The following SGCG variants were observed in gnomAD, a reference collection of about 807,000 sequenced individuals.
SGCG encodes the protein gamma-sarcoglycan.
Under a neutral mutation model 29.3 loss-of-function variants are expected in SGCG, and 26 were observed. The observed-to-expected ratio is 0.89, with a 90% CI of 0.65 to 1.23. The LOEUF is 1.23. Among genes scored for constraint, SGCG ranks in the 50% most tolerant of loss-of-function variants. The pLI is 0.00. For synonymous variants in SGCG, 145 were observed against 129.7 expected, an observed-to-expected ratio of 1.12 and a Z score of -0.80; for missense variants, 353 against 356.0, an observed-to-expected ratio of 0.99 and a Z score of 0.07.
chr13:23,264,794 T>C (rs1481511448), intron 4 of SGCG, among the ~76,000 whole-genome samples: 1 of 152,192 alleles, frequency 6.6e-6, no homozygotes, highest in African/African-American at 2.4e-5. Context: ...CTAATTGATC[T>C]TTGACAAACC....
chr13:23,240,877 G>A (rs557469491), intron 3 of SGCG, among the ~76,000 whole-genome samples: 1 of 152,058 alleles, frequency 6.6e-6, no homozygotes, highest in Non-Finnish European at 1.5e-5. Context: ...AAATTGGCCG[G>A]GTGCGGTGGC....
chr13:23,303,101 A>AT (rs1245653139), intron 6 of SGCG, among the ~76,000 whole-genome samples: 2 of 152,184 alleles, frequency 1.3e-5, no homozygotes, highest in African/African-American at 4.8e-5. Context: ...TCTGTCACCA[A>AT]TTTTTTAATT....
At position 23,251,746 on chromosome 13, in the gene SGCG, G is replaced by T. The variant is rs1012933823; in HGVS notation, c.385+1029G>T. ...AGAGACCCTTTGTTTGAAAAAAAGA[G>T]AATAAGAATAACGAAGATATATATA... On this transcript the variant is annotated intron_variant, in intron 4 of 7. Coordinates refer to ENST00000218867, the MANE Select transcript of SGCG (RefSeq NM_000231.3). 2.0e-5 allele frequency among the ~76,000 whole-genome samples: 3 copies of T among 152,190 alleles called. No homozygotes were observed. The East Asian group carries it at 5.8e-4, about 29-fold the overall frequency.
chr13:23,309,941 ATTCATAAATG>A (rs1320658743), intron 6 of SGCG, among the ~76,000 whole-genome samples: 1 of 152,152 alleles, frequency 6.6e-6, no homozygotes, highest in Non-Finnish European at 1.5e-5. Flanking sequence ...ATTCATAATT[ATTCATAAATG>A]TTTATGCTAA....
At chr13:23,234,262 G>C (rs1328232668) in intron 2 of SGCG, among the ~76,000 whole-genome samples, 2 of 152,068 alleles carry the variant, frequency 1.3e-5, no homozygotes, top group Non-Finnish European at 2.9e-5. Flanking sequence ...CTATATATGT[G>C]TTAAAACTCA....
chr13:23,271,795 A>G (rs1472258105), intron 4 of SGCG, among the ~76,000 whole-genome samples: 1 of 152,268 alleles, frequency 6.6e-6, no homozygotes, highest in Non-Finnish European at 1.5e-5. Context: ...GGGTCACCCT[A>G]TCCAAGAATG....
chr13:23,311,300 G>A (rs902629180), intron 6 of SGCG, among the ~76,000 whole-genome samples: 4 of 152,218 alleles, frequency 2.6e-5, no homozygotes, highest in Non-Finnish European at 5.9e-5. Context: ...TCTGGTATGT[G>A]TTAGTTTATA....
intron 2 of SGCG, among the ~76,000 whole-genome samples, chr13:23,232,810 A>G (rs1879161553): frequency 6.6e-6 from 1 of 152,148 alleles, no homozygotes; most frequent in African/African-American, 2.4e-5. Context: ...AGGGGAGGAC[A>G]GTTAGGCAAT....
upstream of SGCG, among the ~76,000 whole-genome samples, chr13:23,177,036 C>A (rs571722689): frequency 5.9e-5 from 9 of 152,116 alleles, no homozygotes; most frequent in African/African-American, 1.7e-4. Flanking sequence ...TAATACTGTT[C>A]GGCCTTTTAA....
At chr13:23,212,466 C>CTGTA (rs1878264002) in intron 2 of SGCG, among the ~76,000 whole-genome samples, 1 of 151,936 alleles carries the variant, frequency 6.6e-6, no homozygotes, top group Non-Finnish European at 1.5e-5. Flanking sequence ...AACTTATGCT[C>CTGTA]TGTAAGTATT....
intron 1 of SGCG, among the ~76,000 whole-genome samples, chr13:23,199,085 G>A (rs1409153614): frequency 6.8e-6 from 1 of 147,588 alleles, no homozygotes; most frequent in African/African-American, 2.5e-5. Flanking sequence ...TTCAGCCTGG[G>A]CAACACAGTG....
chr13:23,268,241 A>G (rs1880717458), intron 4 of SGCG: 1 of 152,274 alleles, frequency 6.6e-6, no homozygotes, highest in South Asian at 2.1e-4. Context: ...GGTGGCCAAC[A>G]ATTCTGTAAG....
intron 7 of SGCG, among the ~76,000 whole-genome samples, chr13:23,322,788 CCG>C (rs1883100797): frequency 8.2e-6 from 1 of 122,070 alleles, no homozygotes; most frequent in Non-Finnish European, 1.8e-5. Context: ...CCCCCCCCCC[CCG>C]CCAACAGGTG....
At chr13:23,196,580 T>C (rs1877520057) in intron 1 of SGCG, among the ~76,000 whole-genome samples, 1 of 152,144 alleles carries the variant, frequency 6.6e-6, no homozygotes, top group South Asian at 2.1e-4. Flanking sequence ...TGTATTTCTT[T>C]GATGTATACG....
At chr13:23,305,274 C>T (rs1882321123) in intron 6 of SGCG, among the ~76,000 whole-genome samples, 1 of 152,118 alleles carries the variant, frequency 6.6e-6, no homozygotes, top group Non-Finnish European at 1.5e-5. Context: ...TATGTGTTTT[C>T]CACATTTATT....
At chr13:23,160,959 A>T in the SGCG span, among the ~76,000 whole-genome samples, 1 of 152,170 alleles carries the variant, frequency 6.6e-6, no homozygotes, top group Non-Finnish European at 1.5e-5. Context: ...AGACTTAATA[A>T]CTTCCTGTGT....
chr13:23,192,675 C>T lies in SGCG; in HGVS notation c.1-11020C>T, dbSNP rs537811793. 3.3e-5 allele frequency among the ~76,000 whole-genome samples: 5 copies of T among 152,292 alleles called. No homozygotes were observed. The South Asian group carries it at 1.0e-3, about 32-fold the overall frequency. ...CCTCCCAGAGTGCTGGGATTACAGG[C>T]GTGAGCCATGGCGCCCGGCTGGTAG... On this transcript the variant is annotated intron_variant, in intron 1 of 7. Transcript: ENST00000218867.
intron 3 of SGCG, among the ~76,000 whole-genome samples, chr13:23,237,935 C>T (rs1879373744): frequency 6.6e-6 from 1 of 151,878 alleles, no homozygotes; most frequent in African/African-American, 2.4e-5. Flanking sequence ...AAGGAGTTTT[C>T]CTTAAAATAA....
chr13:23,297,605 C>T (rs1046052473), intron 6 of SGCG, among the ~76,000 whole-genome samples: 16 of 152,178 alleles, frequency 1.1e-4, no homozygotes, highest in Non-Finnish European at 1.6e-4. Context: ...CGCCTTTAAG[C>T]GGTTTTCTGC....
Sources: allele counts gnomAD v4.1 joint callset (sites outside exome capture counted in the v4.1 genomes callset), GRCh38; gene constraint gnomAD v4.1.1; transcripts MANE v1.5; gene names NCBI Gene and HGNC (gene_info 2026-07-23, HGNC 2026-07-21).